RTN3: variants seen among roughly 807,000 people sequenced by gnomAD.
RTN3 encodes reticulon-3.
A neutral mutation model predicts 77.8 loss-of-function variants in RTN3; 49 were observed. That is an observed-to-expected ratio of 0.63 (90% CI 0.50 to 0.80). The LOEUF (loss-of-function observed/expected upper bound fraction) is 0.80. Ranked by LOEUF, RTN3 falls within the 30% of genes least tolerant of loss-of-function variation. The probability of loss-of-function intolerance (pLI) is 0.00; values close to 1 mark genes in which losing one functional copy is unlikely to be tolerated. For missense variants in RTN3, 1,236 were observed against 1,211.9 expected, an observed-to-expected ratio of 1.02 and a Z score of -0.29; for synonymous variants, 464 against 446.9, an observed-to-expected ratio of 1.04 and a Z score of -0.48.
chr11:63,754,214 C>T (rs544030471), intron 7 of RTN3, among the ~76,000 whole-genome samples: 73 of 152,162 alleles, frequency 4.8e-4, no homozygotes, highest in Middle Eastern at 3.4e-3. Context: ...TGCAGTGAGC[C>T]GAGATCATGT....
chr11:63,705,145 A>G (rs117995928), intron 2 of RTN3, among the ~76,000 whole-genome samples: 1 of 152,312 alleles, frequency 6.6e-6, no homozygotes, highest in East Asian at 1.9e-4. Context: ...AGTTTTGAGT[A>G]TTTCTTTAAA....
rs772436697 is a variant in RTN3, at chr11:63,753,158, G to A, written c.2947+20G>A. On this transcript the variant is annotated intron_variant, in intron 6 of 8. Coordinates refer to ENST00000377819, the MANE Select transcript of RTN3 (RefSeq NM_001265589.2). ...TTCTTGGTAAGGTGGCAAGGAGAATGTGCCCATGCTCTTTGAAGTAGTTTG... is the reference window on the plus strand; with the variant it reads ...TTCTTGGTAAGGTGGCAAGGAGAATATGCCCATGCTCTTTGAAGTAGTTTG... 2 of 1,606,476 alleles carry A rather than the reference G, an allele frequency of 1.2e-6. No homozygotes were observed. The highest frequency in any genetic ancestry group is 1.7e-6 in the Non-Finnish European group (2 of 1,173,078).
At chr11:63,692,987 T>C (rs1941745510) in intron 1 of RTN3, among the ~76,000 whole-genome samples, 1 of 152,128 alleles carries the variant, frequency 6.6e-6, no homozygotes, top group Non-Finnish European at 1.5e-5. Context: ...CCCATGCTGG[T>C]CTTGACTGAA....
At chr11:63,713,286 A>G (rs1053540398) in intron 2 of RTN3, among the ~76,000 whole-genome samples, 1 of 152,120 alleles carries the variant, frequency 6.6e-6, no homozygotes, top group Non-Finnish European at 1.5e-5. Flanking sequence ...TTGTGGGGAT[A>G]TGACATTTTT....
rs2011668266 is a variant in RTN3, at chr11:63,720,323, G to A, written c.1821G>A (p.Glu607=). 1 of 1,613,834 alleles carries A rather than the reference G, an allele frequency of 6.2e-7. No individual in the cohort carries two copies. Among genetic ancestry groups the A allele is most frequent in the Admixed American group, 1.7e-5 (1 of 59,962 alleles). The change falls in exon 3 of 9, where the codon GAG becomes GAA. Residue 607 remains glutamate (E), a synonymous_variant. Transcript: ENST00000377819. ...CTCCTGAAAAGCCTATTACTACTGA[G>A]AACCCCAAACTTCCTTCAACAGTGT... ...EVAPEKPITT[E]NPKLPSTVSP...
At chr11:63,757,066 G>A (rs1565051188) in intron 8 of RTN3, among the ~76,000 whole-genome samples, 1 of 152,108 alleles carries the variant, frequency 6.6e-6, no homozygotes, top group South Asian at 2.1e-4. Context: ...AAAGTTATTG[G>A]TTGCTTCCCC....
chr11:63,727,820 G>A (rs1280903178), intron 3 of RTN3, among the ~76,000 whole-genome samples: 3 of 152,130 alleles, frequency 2.0e-5, no homozygotes, highest in Admixed American at 1.3e-4. Flanking sequence ...AGCAGGAGAG[G>A]AAAGTGAGAG....
At chr11:63,729,616 C>T (rs962772100) in intron 3 of RTN3, among the ~76,000 whole-genome samples, 1 of 151,158 alleles carries the variant, frequency 6.6e-6, no homozygotes, top group African/African-American at 2.4e-5. Flanking sequence ...TGCCACCACA[C>T]CTAGCTAATT....
At chr11:63,696,561 T>TC (rs1160203534) in intron 1 of RTN3, among the ~76,000 whole-genome samples, 1 of 148,108 alleles carries the variant, frequency 6.8e-6, no homozygotes, top group East Asian at 2.0e-4. Context: ...TTTTTTTTTT[T>TC]TGGAGACGGA....
At chr11:63,746,491 T>C (rs2013802791) in intron 3 of RTN3, among the ~76,000 whole-genome samples, 2 of 152,122 alleles carry the variant, frequency 1.3e-5, no homozygotes, top group South Asian at 2.1e-4. Context: ...CGAAAGTTAT[T>C]GTTAAGGAAA....
chr11:63,709,584 TAA>T (rs35947507), intron 2 of RTN3, among the ~76,000 whole-genome samples: 8 of 148,758 alleles, frequency 5.4e-5, no homozygotes, highest in African/African-American at 1.2e-4. Flanking sequence ...AGCCTTTTTT[TAA>T]AAAAAAAAAA....
chr11:63,747,698 G>A (rs1307209346), intron 3 of RTN3, among the ~76,000 whole-genome samples: 2 of 152,166 alleles, frequency 1.3e-5, no homozygotes, highest in African/African-American at 4.8e-5. Context: ...GTACCCTCAA[G>A]ACAACTTGAA....
At chr11:63,692,211 C>G (rs1423228601) in intron 1 of RTN3, among the ~76,000 whole-genome samples, 1 of 152,090 alleles carries the variant, frequency 6.6e-6, no homozygotes, top group Non-Finnish European at 1.5e-5. Context: ...TTAGTAGAGA[C>G]AGGATTTCAC....
chr11:63,692,999 T>A (rs533206933), intron 1 of RTN3, among the ~76,000 whole-genome samples: 1 of 152,246 alleles, frequency 6.6e-6, no homozygotes, highest in African/African-American at 2.4e-5. Flanking sequence ...TTGACTGAAT[T>A]CCTGAGTGCA....
chr11:63,752,207 T>C (rs951560399), intron 4 of RTN3, among the ~76,000 whole-genome samples: 6 of 151,934 alleles, frequency 3.9e-5, no homozygotes, highest in African/African-American at 9.7e-5. Context: ...TTATGTGTTC[T>C]GGGCTCTTAT....
intron 3 of RTN3, among the ~76,000 whole-genome samples, chr11:63,744,206 C>T (rs2013657599): frequency 8.7e-6 from 1 of 115,196 alleles, no homozygotes; most frequent in African/African-American, 3.4e-5. Context: ...CACACCATTG[C>T]ACTCGAGCCT....
At chr11:63,702,619 T>A (rs1942296628) in intron 1 of RTN3, among the ~76,000 whole-genome samples, 1 of 151,726 alleles carries the variant, frequency 6.6e-6, no homozygotes, top group Admixed American at 6.6e-5. Context: ...CGGCCGTCCC[T>A]TTGTTACTTA....
intron 3 of RTN3, chr11:63,746,928 G>A (rs1590882965): frequency 2.2e-6 from 1 of 455,644 alleles, no homozygotes; most frequent in South Asian, 1.5e-5. Context: ...CTTTATAGCT[G>A]TGTTTACCCC....
chr11:63,704,546 T>G (rs1393132927), intron 1 of RTN3, among the ~76,000 whole-genome samples: 2 of 152,104 alleles, frequency 1.3e-5, no homozygotes, highest in African/African-American at 4.8e-5. Context: ...CAGCAGCATC[T>G]GTTCTTGAGG....
Sources: gnomAD v4.1 joint callset for allele counts (sites outside exome capture counted in the v4.1 genomes callset) on GRCh38, gnomAD v4.1.1 for gene constraint, MANE v1.5 for transcripts, NCBI Gene and HGNC (gene_info 2026-07-23, HGNC 2026-07-21) for gene names.